MARCHF1: variants seen among roughly 807,000 people sequenced by gnomAD.
MARCHF1 encodes the protein membrane associated ring-CH-type finger 1.
MARCHF1 carries 40 observed loss-of-function variants against 54.2 expected under a neutral mutation model. That is an observed-to-expected ratio of 0.74 (90% CI 0.57 to 0.96). The LOEUF is 0.96. Among genes scored for constraint, MARCHF1 ranks in the 40% least tolerant of loss-of-function variants. The probability of loss-of-function intolerance (pLI) is 0.00; values close to 1 mark genes in which losing one functional copy is unlikely to be tolerated. For synonymous variants in MARCHF1, 236 were observed against 236.3 expected (o/e 1.00, Z 0.01); for missense variants, 586 against 656.5 (o/e 0.89, Z 1.17).
chr4:163,719,371 T>G (rs988766552), intron 4 of MARCHF1, among the ~76,000 whole-genome samples: 1 of 152,230 alleles, frequency 6.6e-6, no homozygotes, highest in Non-Finnish European at 1.5e-5. Context: ...CATCCTTTTT[T>G]GTGACTGCAT....
At chr4:164,053,159 G>A (rs1206325891) in intron 2 of MARCHF1, among the ~76,000 whole-genome samples, 2 of 152,120 alleles carry the variant, frequency 1.3e-5, no homozygotes, top group Admixed American at 6.5e-5. Context: ...AACACACAGA[G>A]TACAGTGAAA....
chr4:164,241,438 T>C (rs933556312), intron 1 of MARCHF1, among the ~76,000 whole-genome samples: 1 of 152,194 alleles, frequency 6.6e-6, no homozygotes, highest in Admixed American at 6.5e-5. Context: ...ACACCCTAGA[T>C]TGATTAATAT....
At chr4:163,710,067 G>A (rs1005418301) in intron 4 of MARCHF1, among the ~76,000 whole-genome samples, 5 of 152,026 alleles carry the variant, frequency 3.3e-5, no homozygotes, top group Non-Finnish European at 7.4e-5. Flanking sequence ...TTCCCTAAAT[G>A]TCAAATTTAA....
rs1288060348 is a variant in MARCHF1 at position 163,789,550 on chromosome 4, A to AATGTATATT, written c.111+64462_111+64470dup. ...ATTTTAATAAAGACTTTTCACATTT[A>AATGTATATT]ATGTATATTAGAGTCATCTGAGGAG... On this transcript the variant is annotated intron_variant, in intron 4 of 9. Coordinates refer to ENST00000514618, the MANE Select transcript of MARCHF1 (RefSeq NM_001394959.1). 1.2e-4 allele frequency among the ~76,000 whole-genome samples: 19 copies of AATGTATATT among 152,146 alleles called. No individual in the cohort carries two copies. In the East Asian group the frequency reaches 3.3e-3, roughly 26 times the overall value.
chr4:164,055,242 G>C (rs938472081), intron 2 of MARCHF1: 9 of 152,088 alleles, frequency 5.9e-5, no homozygotes, highest in African/African-American at 2.2e-4. Flanking sequence ...CCAGGAGTTC[G>C]AGGCCAGCCT....
At chr4:163,756,000 C>CTAT (rs1746655551) in intron 4 of MARCHF1, among the ~76,000 whole-genome samples, 1 of 152,146 alleles carries the variant, frequency 6.6e-6, no homozygotes, top group Non-Finnish European at 1.5e-5. Context: ...ATATTTTATT[C>CTAT]TATTATATAA....
At chr4:164,336,344 T>C (rs937137664) in intron 1 of MARCHF1, among the ~76,000 whole-genome samples, 3 of 152,212 alleles carry the variant, frequency 2.0e-5, no homozygotes, top group Non-Finnish European at 2.9e-5. Context: ...ACTAACCAGA[T>C]AGAATTTTGC....
chr4:164,048,799 T>A (rs1440570736), intron 2 of MARCHF1, among the ~76,000 whole-genome samples: 1 of 152,164 alleles, frequency 6.6e-6, no homozygotes, highest in South Asian at 2.1e-4. Flanking sequence ...AATTTTTTCA[T>A]CTTCTTTTAC....
chr4:163,641,218 T>G (rs1449255690), intron 5 of MARCHF1, among the ~76,000 whole-genome samples: 2 of 152,102 alleles, frequency 1.3e-5, no homozygotes, highest in East Asian at 1.9e-4. Flanking sequence ...ATACCAAAGT[T>G]GTTACTTTAT....
At chr4:163,621,160 T>A (rs1741684433) in intron 5 of MARCHF1, among the ~76,000 whole-genome samples, 2 of 152,228 alleles carry the variant, frequency 1.3e-5, no homozygotes, top group African/African-American at 4.8e-5. Flanking sequence ...ACACTGATCT[T>A]GAAATACTAT....
At chr4:164,320,050 T>C (rs969313301) in intron 1 of MARCHF1, among the ~76,000 whole-genome samples, 6 of 152,136 alleles carry the variant, frequency 3.9e-5, no homozygotes, top group Non-Finnish European at 8.8e-5. Context: ...ACAATCTCTA[T>C]CATATGTTTT....
At chr4:163,765,960 A>G (rs1367296206) in intron 4 of MARCHF1, among the ~76,000 whole-genome samples, 1 of 148,436 alleles carries the variant, frequency 6.7e-6, no homozygotes, top group Non-Finnish European at 1.5e-5. Flanking sequence ...TATAGTGTTC[A>G]TGTCCCTCCT....
At chr4:163,566,191 T>C (rs931247932) in intron 8 of MARCHF1, among the ~76,000 whole-genome samples, 8 of 152,240 alleles carry the variant, frequency 5.3e-5, no homozygotes, top group Admixed American at 1.3e-4. Context: ...TGCTTTTCTT[T>C]GGCTTAAACT....
At chr4:164,191,964 T>TA (rs1202092262) in intron 1 of MARCHF1, among the ~76,000 whole-genome samples, 1 of 152,112 alleles carries the variant, frequency 6.6e-6, no homozygotes, top group Non-Finnish European at 1.5e-5. Flanking sequence ...GGGAAACTAG[T>TA]ACTAGAACAC....
At chr4:163,814,354 T>C (rs1323290814) in intron 4 of MARCHF1, among the ~76,000 whole-genome samples, 2 of 152,158 alleles carry the variant, frequency 1.3e-5, no homozygotes, top group Non-Finnish European at 2.9e-5. Flanking sequence ...CCGACTTCAT[T>C]GCCCCCATGA....
rs376565727 is a variant in MARCHF1 at position 164,199,632 on chromosome 4, T to TCA, written c.-322-87972_-322-87971dup. ...GCCTGGGTGACAGAGCAGGACTCTG[T>TCA]CACACACACACACACACACACACAC... On this transcript the variant is annotated intron_variant, in intron 1 of 9. Transcript: ENST00000514618. 2.6e-3 allele frequency among the ~76,000 whole-genome samples: 300 copies of TCA among 114,828 alleles called. 2 individuals carry two copies. In the Middle Eastern group the frequency reaches 0.028, roughly 11 times the overall value. 75.3% of individuals were successfully genotyped at this position (114,828 alleles called of 152,430 possible). A position where few individuals can be genotyped will look rare whatever the true frequency, so the allele number is the denominator to read the frequency against.
intron 4 of MARCHF1, among the ~76,000 whole-genome samples, chr4:163,740,116 TGA>T (rs1349748326): frequency 6.6e-6 from 1 of 152,200 alleles, no homozygotes; most frequent in Non-Finnish European, 1.5e-5. Flanking sequence ...TTATGCCAGC[TGA>T]GAGAGCAGAG....
At chr4:164,065,081 C>T (rs75923807) in intron 2 of MARCHF1, among the ~76,000 whole-genome samples, 11 of 152,228 alleles carry the variant, frequency 7.2e-5, no homozygotes, top group African/African-American at 1.2e-4. Flanking sequence ...TTTGCATCAA[C>T]GTTCATCAAG....
At chr4:164,194,360 G>A (rs925873423) in intron 1 of MARCHF1, among the ~76,000 whole-genome samples, 9 of 152,132 alleles carry the variant, frequency 5.9e-5, no homozygotes, top group African/African-American at 2.2e-4. Flanking sequence ...AGGTGGGAAA[G>A]GCATGATGAC....
Sources: allele counts gnomAD v4.1 joint callset (sites outside exome capture counted in the v4.1 genomes callset), GRCh38; gene constraint gnomAD v4.1.1; transcripts MANE v1.5; gene names NCBI Gene and HGNC (gene_info 2026-07-23, HGNC 2026-07-21).